SBNO1: variants seen among roughly 807,000 people sequenced by gnomAD.
SBNO1 encodes strawberry notch homolog 1.
Under a neutral mutation model 173.6 loss-of-function variants are expected in SBNO1, and 23 were observed. The observed-to-expected ratio is 0.13, with a 90% CI of 0.10 to 0.19. The LOEUF is 0.19. SBNO1 is among the 10% of genes least tolerant of loss of function. The pLI is 1.00. For synonymous variants in SBNO1, 632 were observed against 571.5 expected, an observed-to-expected ratio of 1.11 and a Z score of -1.51; for missense variants, 1,238 against 1,671.2, an observed-to-expected ratio of 0.74 and a Z score of 4.52.
intron 23 of SBNO1, among the ~76,000 whole-genome samples, chr12:123,315,000 C>T (rs1327690645): frequency 6.6e-6 from 1 of 152,014 alleles, no homozygotes; most frequent in Non-Finnish European, 1.5e-5. Flanking sequence ...GCCTTGGCCT[C>T]CCAAAGTGCT....
intron 30 of SBNO1, 101 bp downstream of exon 30, chr12:123,302,723 T>C: frequency 1.3e-6 from 1 of 788,710 alleles, no homozygotes; most frequent in Middle Eastern, 3.1e-4. Context: ...CAATACTTAA[T>C]CTGTTAGTTA....
intron 28 of SBNO1, among the ~76,000 whole-genome samples, chr12:123,305,028 A>C (rs2048880010): frequency 6.6e-6 from 1 of 152,186 alleles, no homozygotes; most frequent in African/African-American, 2.4e-5. Flanking sequence ...TATTTCCTGT[A>C]CCTGGAATCC....
At chr12:123,316,292 T>C (rs888885973) in intron 21 of SBNO1, among the ~76,000 whole-genome samples, 1 of 152,198 alleles carries the variant, frequency 6.6e-6, no homozygotes, top group African/African-American at 2.4e-5. Flanking sequence ...TGGTGTGATC[T>C]TGGCTCACTG....
At chr12:123,307,196 C>CA (rs1042390062) in intron 28 of SBNO1, among the ~76,000 whole-genome samples, 4 of 151,644 alleles carry the variant, frequency 2.6e-5, no homozygotes, top group African/African-American at 7.3e-5. Context: ...GATCCCATTA[C>CA]AAAAAACAAA....
chr12:123,305,683 G>C (rs2048896777), intron 28 of SBNO1, among the ~76,000 whole-genome samples: 1 of 152,012 alleles, frequency 6.6e-6, no homozygotes, highest in Admixed American at 6.6e-5. Context: ...ATGTTGGCCA[G>C]GCTGGTCTCA....
At chr12:123,341,469 CAGA>C (rs1003420793) in intron 4 of SBNO1, among the ~76,000 whole-genome samples, 3 of 152,024 alleles carry the variant, frequency 2.0e-5, no homozygotes, top group Non-Finnish European at 2.9e-5. Flanking sequence ...ATAAAAAACC[CAGA>C]AGTTTACATA....
chr12:123,336,484 G>C lies in SBNO1; in HGVS notation c.659C>G (p.Pro220Arg). 6.2e-7 allele frequency: 1 copy of C among 1,608,218 alleles called. No individual in the cohort carries two copies. Residue 220 changes from proline (P) to arginine (R), a missense_variant, in exon 6 of 32, where the codon CCT (proline) becomes CGT (arginine). Physicochemically the swap from Pro to Arg is moderately radical, Grantham distance 103. Coordinates refer to ENST00000602398, the MANE Select transcript of SBNO1 (RefSeq NM_001167856.3). ...MRSFSPTMKVPVVKEDDEPEE... is the reference protein window; with the variant it reads ...MRSFSPTMKVRVVKEDDEPEE... The stretch of plus-strand genomic sequence containing the variant: ...TGGTTCATCATCTTCTTTTACAACA[G>C]GAACCTTCTGCAACACAGAAAGAGC...
At chr12:123,360,227 CAA>C (rs1365876216) in intron 1 of SBNO1, among the ~76,000 whole-genome samples, 7 of 135,894 alleles carry the variant, frequency 5.2e-5, no homozygotes, top group Non-Finnish European at 7.8e-5. Context: ...GCCTCGGTGA[CAA>C]GAGTGAAACA....
chr12:123,333,202 A>G (rs1871423050), intron 7 of SBNO1, among the ~76,000 whole-genome samples: 1 of 152,314 alleles, frequency 6.6e-6, no homozygotes, highest in East Asian at 1.9e-4. Context: ...ATCACACAAA[A>G]TATGGAGGAT....
intron 31 of SBNO1, 91 bp downstream of exon 31, chr12:123,297,887 C>A: frequency 8.9e-7 from 1 of 1,122,032 alleles, no homozygotes; most frequent in Non-Finnish European, 1.3e-6. Flanking sequence ...ATGTTAGATG[C>A]ATGTGGAATA....
intron 1 of SBNO1, 108 bp downstream of exon 1, chr12:123,364,593 G>A (rs1031158814): frequency 1.0e-6 from 1 of 982,608 alleles, no homozygotes; most frequent in Non-Finnish European, 1.2e-6. Context: ...GCCGGGGCGA[G>A]GTGGCTGTCC....
intron 28 of SBNO1, among the ~76,000 whole-genome samples, chr12:123,307,864 G>C (rs2048958230): frequency 1.3e-5 from 2 of 152,224 alleles, no homozygotes; most frequent in African/African-American, 4.8e-5. Flanking sequence ...CTGAGGTCAG[G>C]AGATCGAGGC....
At chr12:123,350,745 G>A (rs541775658) in intron 1 of SBNO1, among the ~76,000 whole-genome samples, 2 of 152,362 alleles carry the variant, frequency 1.3e-5, no homozygotes, top group East Asian at 3.9e-4. Context: ...AGATGACAAT[G>A]CAGCAGAGCA....
At chr12:123,332,008 C>T (rs774037909) in intron 7 of SBNO1, among the ~76,000 whole-genome samples, 15 of 151,492 alleles carry the variant, frequency 9.9e-5, no homozygotes, top group East Asian at 2.0e-4. Context: ...TGCACCACCA[C>T]GCCCAGCTAA....
chr12:123,330,656 C>CACCCA, intron 8 of SBNO1, 147 bp from the exon 9 acceptor site: 1 of 590,980 alleles, frequency 1.7e-6, no homozygotes, highest in South Asian at 2.2e-5. Flanking sequence ...CACCATCCCA[C>CACCCA]TGAGTGCAGT....
At chr12:123,296,780 C>T (rs748490346) in intron 31 of SBNO1, among the ~76,000 whole-genome samples, 1 of 151,734 alleles carries the variant, frequency 6.6e-6, no homozygotes, top group Non-Finnish European at 1.5e-5. Flanking sequence ...AGGATGATCT[C>T]GATCTCTTGA....
chr12:123,350,676 A>G (rs1302590141), intron 1 of SBNO1, among the ~76,000 whole-genome samples: 1 of 152,260 alleles, frequency 6.6e-6, no homozygotes, highest in East Asian at 1.9e-4. Flanking sequence ...ATGCATCTAC[A>G]AAAGGCTACG....
chr12:123,339,641 G>A (rs1872291698), intron 5 of SBNO1, among the ~76,000 whole-genome samples: 1 of 151,974 alleles, frequency 6.6e-6, no homozygotes, highest in South Asian at 2.1e-4. Flanking sequence ...ACAAAAATTA[G>A]CCAGGGCTGG....
chr12:123,360,876 G>A (rs1875071915), intron 1 of SBNO1, among the ~76,000 whole-genome samples: 1 of 152,118 alleles, frequency 6.6e-6, no homozygotes, highest in South Asian at 2.1e-4. Flanking sequence ...ATTTTGGGAC[G>A]CCAAGGCAGG....
Sources: gnomAD v4.1 joint callset for allele counts (sites outside exome capture counted in the v4.1 genomes callset) on GRCh38, gnomAD v4.1.1 for gene constraint, MANE v1.5 for transcripts, NCBI Gene and HGNC (gene_info 2026-07-23, HGNC 2026-07-21) for gene names.